SIL1: variants seen among roughly 807,000 people sequenced by gnomAD.
The protein encoded by SIL1 is nucleotide exchange factor SIL1.
SIL1 carries 40 observed loss-of-function variants against 49.1 expected under a neutral mutation model. The observed-to-expected ratio is 0.81, with a 90% CI of 0.63 to 1.06. SIL1 has a LOEUF of 1.06. SIL1 is among the 50% of genes least tolerant of loss of function. SIL1 has a pLI of 0.00. For synonymous variants in SIL1, 253 were observed against 250.8 expected, an observed-to-expected ratio of 1.01 and a Z score of -0.08; for missense variants, 500 against 572.6, an observed-to-expected ratio of 0.87 and a Z score of 1.29.
chr5:139,025,075 T>A (rs1768614153), intron 6 of SIL1, among the ~76,000 whole-genome samples: 1 of 152,236 alleles, frequency 6.6e-6, no homozygotes, highest in South Asian at 2.1e-4. Context: ...ACTTCTTTCT[T>A]ATGCTTGTCT....
chr5:139,178,512 T>C (rs1314136074), intron 1 of SIL1, among the ~76,000 whole-genome samples: 4 of 152,046 alleles, frequency 2.6e-5, no homozygotes, highest in African/African-American at 7.2e-5. Flanking sequence ...GCTCCAACCA[T>C]ACTTTCAGTT....
At chr5:139,102,028 C>G (rs183037447) in intron 3 of SIL1, among the ~76,000 whole-genome samples, 1 of 152,150 alleles carries the variant, frequency 6.6e-6, no homozygotes, top group Admixed American at 6.6e-5. Flanking sequence ...AGAAAAGACA[C>G]GCACTTGGGT....
chr5:139,142,733 C>A (rs375801191), intron 1 of SIL1, among the ~76,000 whole-genome samples: 1 of 152,166 alleles, frequency 6.6e-6, no homozygotes, highest in Non-Finnish European at 1.5e-5. Flanking sequence ...ACCAAGAACA[C>A]GACAAAGATA....
At chr5:139,154,241 G>A (rs1751364935) in intron 1 of SIL1, among the ~76,000 whole-genome samples, 1 of 151,950 alleles carries the variant, frequency 6.6e-6, no homozygotes, top group South Asian at 2.1e-4. Flanking sequence ...AAAAAAAAAG[G>A]CAAAATAAAC....
At chr5:139,142,800 G>A (rs1482675469) in intron 1 of SIL1, among the ~76,000 whole-genome samples, 8 of 151,724 alleles carry the variant, frequency 5.3e-5, no homozygotes, top group Non-Finnish European at 7.4e-5. Context: ...ATAGAGTCTC[G>A]CTCTGTTGCC....
At chr5:139,086,870 G>A (rs1770234095) in intron 3 of SIL1, among the ~76,000 whole-genome samples, 1 of 151,930 alleles carries the variant, frequency 6.6e-6, no homozygotes, top group Non-Finnish European at 1.5e-5. Flanking sequence ...TGAGGCAGGG[G>A]AATAACTTGA....
chr5:139,111,901 G>C (rs1389526704), intron 3 of SIL1, among the ~76,000 whole-genome samples: 1 of 152,188 alleles, frequency 6.6e-6, no homozygotes, highest in Non-Finnish European at 1.5e-5. Context: ...CCGAGCCAAA[G>C]CTGGACTGTA....
intron 3 of SIL1, among the ~76,000 whole-genome samples, chr5:139,061,364 G>T (rs534318505): frequency 9.8e-5 from 15 of 152,338 alleles, no homozygotes; most frequent in African/African-American, 3.6e-4. Flanking sequence ...TTCAGGAGGG[G>T]TGAAAAGGAC....
intron 7 of SIL1, among the ~76,000 whole-genome samples, chr5:139,004,384 G>A (rs1015732699): frequency 1.3e-5 from 2 of 152,092 alleles, no homozygotes; most frequent in African/African-American, 4.8e-5. Flanking sequence ...GGGATTCAGT[G>A]GATTTCCTGA....
intron 7 of SIL1, among the ~76,000 whole-genome samples, chr5:138,985,267 T>G (rs1767626920): frequency 6.6e-6 from 1 of 152,224 alleles, no homozygotes; most frequent in African/African-American, 2.4e-5. Context: ...TTTGCTGTAC[T>G]TGTTTCCATC....
intron 3 of SIL1, among the ~76,000 whole-genome samples, chr5:139,064,856 AC>A (rs1334676696): frequency 1.3e-5 from 2 of 152,176 alleles, no homozygotes; most frequent in Non-Finnish European, 2.9e-5. Flanking sequence ...GCATCAGAGT[AC>A]CCACTTCACA....
At chr5:138,961,177 T>C (rs1321312450) in intron 7 of SIL1, among the ~76,000 whole-genome samples, 1 of 152,210 alleles carries the variant, frequency 6.6e-6, no homozygotes, top group East Asian at 1.9e-4. Flanking sequence ...CTCTGTTATT[T>C]TGAAAACCAG....
chr5:138,947,237 C>G lies in SIL1; in HGVS notation c.1266G>C (p.Leu422=). 1 of 1,613,460 alleles carries G rather than the reference C, an allele frequency of 6.2e-7. No individual in the cohort carries two copies. The highest frequency in any genetic ancestry group is 8.5e-7 in the Non-Finnish European group (1 of 1,179,986). ...YRQDPQLGRT[L]ASLQAEYQVL... Reference sequence around the variant, plus strand: ...CCTGGTACTCAGCCTGCAGGCTGGCCAGTGTCCTGCCGAGCTGGGGGTCCT... The same window carrying G: ...CCTGGTACTCAGCCTGCAGGCTGGCGAGTGTCCTGCCGAGCTGGGGGTCCT... Residue 422 remains leucine, a synonymous_variant, in exon 10 of 10, where the codon CTG becomes CTC. Transcript: ENST00000394817. The surrounding 1 kb of genome is among the most constrained non-coding windows in gnomAD (Gnocchi z 4.1).
In SIL1 at chr5:139,195,433, G is replaced by A. The variant is rs191414909; in HGVS notation, c.-11+2836C>T. On this transcript the variant is annotated intron_variant, in intron 1 of 9. Coordinates refer to ENST00000394817, the MANE Select transcript of SIL1 (RefSeq NM_022464.5). ...AGACGGAGTCTCGCTCTGTCGCCCA[G>A]GCTGGAGTGAATGGCGTGATCTCCG... 1.4e-4 allele frequency among the ~76,000 whole-genome samples: 21 copies of A among 152,232 alleles called. No individual in the cohort carries two copies. In the East Asian group the frequency reaches 2.3e-3, roughly 17 times the overall value.
intron 7 of SIL1, 152 bp from the exon 8 acceptor site, chr5:138,952,036 G>C: frequency 1.3e-6 from 1 of 754,288 alleles, no homozygotes; most frequent in Non-Finnish European, 2.3e-6. Flanking sequence ...GGGAAACAAA[G>C]ACCATCTGGC....
intron 7 of SIL1, among the ~76,000 whole-genome samples, chr5:138,970,081 C>G (rs761185095): frequency 6.6e-6 from 1 of 152,240 alleles, no homozygotes; most frequent in Non-Finnish European, 1.5e-5. Flanking sequence ...TGCCCCACCA[C>G]TGGCATGTTT....
At chr5:138,959,547 C>A (rs1261259532) in intron 7 of SIL1, among the ~76,000 whole-genome samples, 1 of 152,248 alleles carries the variant, frequency 6.6e-6, no homozygotes, top group Non-Finnish European at 1.5e-5. Flanking sequence ...GTTGCCTGAT[C>A]TTGTCCTGAC....
At chr5:139,019,696 C>G (rs1279974517) in intron 7 of SIL1, among the ~76,000 whole-genome samples, 3 of 152,106 alleles carry the variant, frequency 2.0e-5, no homozygotes, top group Non-Finnish European at 4.4e-5. Context: ...TCCCCTTTAA[C>G]TAGGATGTGA....
intron 5 of SIL1, among the ~76,000 whole-genome samples, chr5:139,041,899 A>T (rs1769057190): frequency 6.6e-6 from 1 of 152,064 alleles, no homozygotes; most frequent in African/African-American, 2.4e-5. Context: ...TAAGGCAGCC[A>T]TCAGAGAAGG....
Sources: allele counts gnomAD v4.1 joint callset (sites outside exome capture counted in the v4.1 genomes callset), GRCh38; gene constraint gnomAD v4.1.1; non-coding constraint Gnocchi (gnomAD v3.1); transcripts MANE v1.5; gene names NCBI Gene and HGNC (gene_info 2026-07-23, HGNC 2026-07-21).